MALRD1: variants seen among roughly 807,000 people sequenced by gnomAD.
MALRD1 encodes the protein MAM and LDL receptor class A domain containing 1, also known as MAM and LDL-receptor class A domain-containing protein 1.
A neutral mutation model predicts 242.1 loss-of-function variants in MALRD1; 247 were observed. That is an observed-to-expected ratio of 1.02 (90% confidence interval 0.92 to 1.13). The LOEUF (loss-of-function observed/expected upper bound fraction) is 1.13, where lower values mean the gene tolerates loss of function less well. Ranked by LOEUF, MALRD1 falls within the 50% of genes most tolerant of loss-of-function variation. The probability of loss-of-function intolerance (pLI) is 0.00; values close to 1 mark genes in which losing one functional copy is unlikely to be tolerated. For missense variants in MALRD1, 2,989 were observed against 2,533.1 expected, an observed-to-expected ratio of 1.18 and a Z score of -3.86; for synonymous variants, 995 against 866.6, an observed-to-expected ratio of 1.15 and a Z score of -2.60.
At chr10:19,051,750 G>A (rs772309058) in intron 1 of MALRD1, 12 of 155,292 alleles carry the variant, frequency 7.7e-5, no homozygotes, top group Non-Finnish European at 1.4e-4. Flanking sequence ...GTGAAACCCC[G>A]TCTCTATTAA....
intron 31 of MALRD1, among the ~76,000 whole-genome samples, chr10:19,523,830 G>T (rs1833979281): frequency 1.3e-5 from 2 of 151,742 alleles, no homozygotes; most frequent in African/African-American, 4.8e-5. Flanking sequence ...TACTGCGGGG[G>T]GCGCATGGGG....
chr10:19,068,207 T>C (rs145304454), intron 2 of MALRD1, among the ~76,000 whole-genome samples: 1 of 152,192 alleles, frequency 6.6e-6, no homozygotes, highest in Admixed American at 6.6e-5. Context: ...TGGCTCTTAC[T>C]GAATTCCTCT....
intron 29 of MALRD1, among the ~76,000 whole-genome samples, chr10:19,471,102 A>AT (rs1329308532): frequency 6.6e-6 from 1 of 151,380 alleles, no homozygotes; most frequent in East Asian, 1.9e-4. Context: ...ATTTGAGTTG[A>AT]TTTTTTTGTT....
chr10:19,314,842 C>T (rs1591330), intron 21 of MALRD1, among the ~76,000 whole-genome samples: 92,295 of 150,646 alleles, frequency 0.61, 28,469 homozygotes, highest in African/African-American at 0.66. Context: ...CAGTTGTAGA[C>T]CAGCGCAACG....
chr10:19,192,513 A>G (rs1330415949), intron 14 of MALRD1, among the ~76,000 whole-genome samples: 2 of 152,212 alleles, frequency 1.3e-5, no homozygotes, highest in East Asian at 3.8e-4. Context: ...AAATAAAACA[A>G]GGATCTCAGT....
At chr10:19,212,056 C>G (rs183300697) in intron 18 of MALRD1, among the ~76,000 whole-genome samples, 2 of 152,216 alleles carry the variant, frequency 1.3e-5, no homozygotes, top group South Asian at 2.1e-4. Context: ...TCAGTAAAGG[C>G]TCAGGAAATC....
chr10:19,431,593 A>C (rs1834130149), intron 28 of MALRD1, among the ~76,000 whole-genome samples: 1 of 152,180 alleles, frequency 6.6e-6, no homozygotes, highest in Non-Finnish European at 1.5e-5. Flanking sequence ...TCCTCAAAAG[A>C]CTTTTATTCA....
At chr10:19,673,382 G>T (rs543034485) in intron 36 of MALRD1, among the ~76,000 whole-genome samples, 1 of 152,026 alleles carries the variant, frequency 6.6e-6, no homozygotes, top group Admixed American at 6.6e-5. Flanking sequence ...GTGGGACTCC[G>T]TCTCAAAATA....
intron 32 of MALRD1, among the ~76,000 whole-genome samples, chr10:19,560,111 T>G (rs1835897277): frequency 6.6e-6 from 1 of 152,278 alleles, no homozygotes; most frequent in Non-Finnish European, 1.5e-5. Flanking sequence ...CCAGAAATAC[T>G]ATTTGACCCA....
At position 19,332,877 on chromosome 10, in the gene MALRD1, T is replaced by G. The variant is rs150797194; in HGVS notation, c.3901+1295T>G. Among the ~76,000 whole-genome samples, 468 of 152,158 alleles carry G rather than the reference T, an allele frequency of 3.1e-3. 3 individuals are homozygous for G. Among genetic ancestry groups the G allele is most frequent in the African/African-American group, 0.011 (437 of 41,476 alleles). ...AGAGTTGGTCCTAGAACACAAGTAT[T>G]TTATTTATTATTATACTTTAAGTTC... On this transcript the variant is annotated intron_variant, in intron 24 of 39. Coordinates refer to ENST00000454679, the MANE Select transcript of MALRD1 (RefSeq NM_001142308.3).
At chr10:19,575,376 C>A (rs551397088) in intron 33 of MALRD1, among the ~76,000 whole-genome samples, 1 of 152,142 alleles carries the variant, frequency 6.6e-6, no homozygotes, top group East Asian at 1.9e-4. Flanking sequence ...AAATGCTCAG[C>A]ACAGTACAAG....
intron 24 of MALRD1, among the ~76,000 whole-genome samples, chr10:19,343,054 C>T (rs191915531): frequency 5.5e-4 from 83 of 152,148 alleles, no homozygotes; most frequent in African/African-American, 1.9e-3. Flanking sequence ...ACCCTCAAAA[C>T]TGCCTTTTTC....
chr10:19,288,461 A>C (rs1247240622), intron 21 of MALRD1, among the ~76,000 whole-genome samples: 1 of 151,984 alleles, frequency 6.6e-6, no homozygotes, highest in Admixed American at 6.6e-5. Flanking sequence ...TTCCCAGCAA[A>C]GTATTCATCC....
In MALRD1 at chr10:19,203,873, A is replaced by C; in HGVS notation, c.2097A>C (p.Ala699=). ...QAPPRDHSLN[A]SQGHFMFILK... ...CACCTCGGGATCATAGTCTCAACGC[A>C]TCTCAAGGTAAGAAGCAAACAGGGA... The change falls in exon 15 of 40, where the codon GCA becomes GCC. Residue 699 remains alanine, a synonymous_variant. Transcript: ENST00000454679. The C allele has an allele frequency of 6.4e-7, 1 of 1,550,488 alleles. No individual in the cohort carries two copies. Among genetic ancestry groups the C allele is most frequent in the Non-Finnish European group, 8.7e-7 (1 of 1,146,914 alleles).
At chr10:19,223,025 C>T (rs1449368484) in intron 18 of MALRD1, among the ~76,000 whole-genome samples, 2 of 152,138 alleles carry the variant, frequency 1.3e-5, no homozygotes, top group Admixed American at 1.3e-4. Flanking sequence ...TAAGTGTAGC[C>T]TCCTTCCAGA....
Position 19,515,081 on chromosome 10 carries a change from CAAA to C in MALRD1, c.5321-16104_5321-16102del, listed in dbSNP as rs199895436. Among the ~76,000 whole-genome samples, 3 of 144,372 alleles carry C rather than the reference CAAA, an allele frequency of 2.1e-5. No homozygotes were observed. The East Asian group carries it at 6.0e-4, about 29-fold the overall frequency. 94.7% of individuals were successfully genotyped at this position (144,372 alleles called of 152,430 possible). A position where few individuals can be genotyped will look rare whatever the true frequency, so the allele number is the denominator to read the frequency against. On this transcript the variant is annotated intron_variant, in intron 31 of 39. Transcript: ENST00000454679. ...AACAGCCATTTCTTATGCTTTAGGA[CAAA>C]AAAAAAAATCTTTTTTACTTAACAA... is the stretch of plus-strand genomic sequence containing the variant.
intron 25 of MALRD1, among the ~76,000 whole-genome samples, chr10:19,349,711 A>T (rs1239286417): frequency 6.6e-6 from 1 of 152,230 alleles, no homozygotes; most frequent in Non-Finnish European, 1.5e-5. Context: ...TTAGCTTTAT[A>T]CATCTATAGA....
intron 5 of MALRD1, among the ~76,000 whole-genome samples, chr10:19,107,260 A>G (rs901605780): frequency 4.6e-5 from 7 of 151,972 alleles, no homozygotes; most frequent in African/African-American, 1.4e-4. Context: ...ATTGCAGTCT[A>G]TCTATTTCTA....
chr10:19,172,593 G>A (rs1431440821), intron 13 of MALRD1, among the ~76,000 whole-genome samples: 1 of 150,494 alleles, frequency 6.6e-6, no homozygotes, highest in Admixed American at 6.7e-5. Flanking sequence ...CTCATCCCAG[G>A]GCCCACCCAT....
Sources: gnomAD v4.1 joint callset for allele counts (sites outside exome capture counted in the v4.1 genomes callset) on GRCh38, gnomAD v4.1.1 for gene constraint, MANE v1.5 for transcripts, NCBI Gene and HGNC (gene_info 2026-07-23, HGNC 2026-07-21) for gene names.